The following SDK1 variants were observed in gnomAD, a reference collection of about 807,000 sequenced individuals.
SDK1 encodes the protein sidekick cell adhesion molecule 1, also known as protein sidekick-1.
SDK1 carries 157 observed loss-of-function variants against 245.5 expected under a neutral mutation model. The ratio of observed to expected loss-of-function variants is 0.64; its 90% CI spans 0.56 to 0.73. The LOEUF is 0.73. SDK1 is among the 30% of genes least tolerant of loss of function. SDK1 has a pLI of 0.00. For missense variants in SDK1, 3,583 were observed against 3,002.3 expected, an observed-to-expected ratio of 1.19 and a Z score of -4.52; for synonymous variants, 1,647 against 1,278.5, an observed-to-expected ratio of 1.29 and a Z score of -6.15.
In SDK1 at chr7:4,017,372, C is replaced by T; in HGVS notation, c.2602+20C>T. ...AGGGAGGTAAGCTTGTCTCCAAAAC[C>T]ACGAGGTGGCGGGATCTTTGCCGGG... On this transcript the variant is annotated intron_variant, in intron 17 of 44. Coordinates refer to ENST00000404826, the MANE Select transcript of SDK1 (RefSeq NM_152744.4). 1 of 1,587,654 alleles carries T rather than the reference C, an allele frequency of 6.3e-7. No homozygotes were observed. The highest frequency in any genetic ancestry group is 8.6e-7 in the Non-Finnish European group (1 of 1,163,330).
chr7:3,738,209 T>C (rs1779375930), intron 4 of SDK1, among the ~76,000 whole-genome samples: 1 of 152,194 alleles, frequency 6.6e-6, no homozygotes, highest in Non-Finnish European at 1.5e-5. Context: ...TGTTCTGTTT[T>C]GAGTTAATTT....
At chr7:3,651,236 G>C (rs945637659) in intron 4 of SDK1, among the ~76,000 whole-genome samples, 3 of 151,122 alleles carry the variant, frequency 2.0e-5, no homozygotes, top group Non-Finnish European at 2.9e-5. Context: ...TTCCTCACTA[G>C]CATTTGGTGT....
chr7:4,015,208 G>A lies in SDK1; in HGVS notation c.2421-1963G>A, dbSNP rs1342576075. 3.9e-5 allele frequency among the ~76,000 whole-genome samples: 6 copies of A among 152,280 alleles called. No homozygotes were observed. In the East Asian group the frequency reaches 1.2e-3, roughly 29 times the overall value. ...TGGAAACCAAGGCTCAGAGAAGTTTGGAATTTTCCCAACACCACCCAGCTT... is the reference window on the plus strand; with the variant it reads ...TGGAAACCAAGGCTCAGAGAAGTTTAGAATTTTCCCAACACCACCCAGCTT... On this transcript the variant is annotated intron_variant, in intron 16 of 44. Transcript: ENST00000404826.
At chr7:3,383,568 G>A (rs1311088674) in intron 1 of SDK1, among the ~76,000 whole-genome samples, 1 of 152,152 alleles carries the variant, frequency 6.6e-6, no homozygotes, top group Non-Finnish European at 1.5e-5. Flanking sequence ...GGCTAATTGT[G>A]CTCTCTGTTT....
Position 4,149,287 on chromosome 7 carries a change from C to T in SDK1, c.4449C>T (p.Leu1483=). The T allele has an allele frequency of 6.4e-7, 1 of 1,554,410 alleles. No homozygotes were observed. The highest frequency in any genetic ancestry group is 8.7e-7 in the Non-Finnish European group (1 of 1,149,980). The change falls in exon 30 of 45, where the codon CTC becomes CTT. Residue 1483 remains leucine, a synonymous_variant. Coordinates refer to ENST00000404826, the MANE Select transcript of SDK1 (RefSeq NM_152744.4). The part of the protein sequence containing the change: ...KRERPAPPRE[L]LVPQAEVTAR... ...AGCGGCCGGCACCCCCCAGAGAGCTCCTGGTGCCCCAGGCAGAAGTGACCG... is the reference window on the plus strand; with the variant it reads ...AGCGGCCGGCACCCCCCAGAGAGCTTCTGGTGCCCCAGGCAGAAGTGACCG...
intron 4 of SDK1, among the ~76,000 whole-genome samples, chr7:3,668,794 CA>C (rs569526088): frequency 6.1e-4 from 93 of 152,228 alleles, no homozygotes; most frequent in Non-Finnish European, 1.2e-3. Context: ...CCTACTCAAA[CA>C]AAACAAAACA....
chr7:3,829,305 TG>T (rs1333286431), intron 5 of SDK1, among the ~76,000 whole-genome samples: 4 of 152,310 alleles, frequency 2.6e-5, no homozygotes, highest in African/African-American at 9.6e-5. Context: ...TATGCAGATG[TG>T]ATTATAAATC....
intron 4 of SDK1, among the ~76,000 whole-genome samples, chr7:3,798,270 T>G (rs1779015873): frequency 7.2e-6 from 1 of 137,952 alleles, no homozygotes; most frequent in Non-Finnish European, 1.5e-5. Context: ...CAGGCTGGAG[T>G]GCAGTGGCGC....
intron 4 of SDK1, among the ~76,000 whole-genome samples, chr7:3,644,640 C>T (rs1782764026): frequency 6.6e-6 from 1 of 151,204 alleles, no homozygotes; most frequent in Non-Finnish European, 1.5e-5. Flanking sequence ...GTGGCACGAA[C>T]CTGTATTTCT....
intron 4 of SDK1, among the ~76,000 whole-genome samples, chr7:3,796,197 T>G (rs1444800659): frequency 6.6e-6 from 1 of 152,196 alleles, no homozygotes; most frequent in Non-Finnish European, 1.5e-5. Context: ...ATTGAATTTG[T>G]GTAGGTTAAT....
At chr7:4,002,259 T>C (rs530742182) in intron 14 of SDK1, among the ~76,000 whole-genome samples, 1 of 151,986 alleles carries the variant, frequency 6.6e-6, no homozygotes, top group East Asian at 1.9e-4. Context: ...GCCGGAGGGG[T>C]GAGTGGCTCA....
rs41889 is a variant in SDK1, at chr7:3,791,465, T to C, written c.714-29985T>C. Among the ~76,000 whole-genome samples, 532 of 152,302 alleles carry C rather than the reference T, an allele frequency of 3.5e-3. 4 individuals are homozygous for C. Among genetic ancestry groups the C allele is most frequent in the South Asian group, 0.016 (79 of 4,826 alleles). ...TTCGTGGCAGATGGTCATTCTAAGG[T>C]TCCCTCAGGGTCATCAGTCATGAGC... On this transcript the variant is annotated intron_variant, in intron 4 of 44. Coordinates refer to ENST00000404826, the MANE Select transcript of SDK1 (RefSeq NM_152744.4).
chr7:3,858,891 C>G (rs571311511), intron 5 of SDK1, among the ~76,000 whole-genome samples: 6 of 139,216 alleles, frequency 4.3e-5, no homozygotes, highest in East Asian at 2.0e-4. Flanking sequence ...GAGATAGAGT[C>G]TCACTCTGTC....
At chr7:3,640,666 G>C (rs1358825059) in intron 3 of SDK1, among the ~76,000 whole-genome samples, 1 of 151,996 alleles carries the variant, frequency 6.6e-6, no homozygotes, top group Non-Finnish European at 1.5e-5. Context: ...TTTCTGTTCT[G>C]TATCTCTAGC....
chr7:3,831,109 C>A (rs1163678906), intron 5 of SDK1, among the ~76,000 whole-genome samples: 1 of 152,130 alleles, frequency 6.6e-6, no homozygotes. Flanking sequence ...TGAATTTTTC[C>A]TGCAGTCATT....
intron 14 of SDK1, among the ~76,000 whole-genome samples, chr7:3,991,278 C>T (rs995965387): frequency 2.6e-5 from 4 of 152,140 alleles, no homozygotes; most frequent in Middle Eastern, 3.2e-3. Flanking sequence ...TGGGGCGTTG[C>T]TGGCGGCGTG....
chr7:3,340,307 T>G (rs1780312269), intron 1 of SDK1, among the ~76,000 whole-genome samples: 1 of 152,182 alleles, frequency 6.6e-6, no homozygotes, highest in Admixed American at 6.5e-5. Context: ...AAGTTACATT[T>G]ACTCTATGAA....
chr7:3,740,376 A>G (rs1205701566), intron 4 of SDK1, among the ~76,000 whole-genome samples: 1 of 151,994 alleles, frequency 6.6e-6, no homozygotes, highest in Non-Finnish European at 1.5e-5. Flanking sequence ...TTTTCCATTT[A>G]AGGTTTTTGG....
intron 4 of SDK1, among the ~76,000 whole-genome samples, chr7:3,656,872 C>G (rs548597897): frequency 6.6e-6 from 1 of 152,054 alleles, no homozygotes; most frequent in Non-Finnish European, 1.5e-5. Flanking sequence ...CTCAGCCTCC[C>G]GAGTAGCTGG....
Sources: allele counts gnomAD v4.1 joint callset (sites outside exome capture counted in the v4.1 genomes callset), GRCh38; gene constraint gnomAD v4.1.1; transcripts MANE v1.5; gene names NCBI Gene and HGNC (gene_info 2026-07-23, HGNC 2026-07-21).